NDUFV2: variants seen among roughly 807,000 people sequenced by gnomAD.
NDUFV2 encodes the protein NADH dehydrogenase [ubiquinone] flavoprotein 2, mitochondrial.
Under a neutral mutation model 31.6 loss-of-function variants are expected in NDUFV2, and 18 were observed. That is an observed-to-expected ratio of 0.57 (90% CI 0.39 to 0.84). The LOEUF is 0.84. Among genes scored for constraint, NDUFV2 ranks in the 40% least tolerant of loss-of-function variants. The pLI, the probability that NDUFV2 is intolerant of heterozygous loss-of-function variation, is 0.00. For synonymous variants in NDUFV2, 83 were observed against 99.8 expected (o/e 0.83, Z 1.01); for missense variants, 314 against 303.6 (o/e 1.03, Z -0.26).
chr18:9,105,171 A>C (rs1460572786), intron 1 of NDUFV2, among the ~76,000 whole-genome samples: 1 of 152,254 alleles, frequency 6.6e-6, no homozygotes, highest in Non-Finnish European at 1.5e-5. Flanking sequence ...AGCAAGTATC[A>C]AGAAAAGTAC....
intron 1 of NDUFV2, among the ~76,000 whole-genome samples, chr18:9,105,439 C>T (rs1403572674): frequency 6.6e-6 from 1 of 152,122 alleles, no homozygotes; most frequent in African/African-American, 2.4e-5. Flanking sequence ...TAGTAATTGA[C>T]TAAAAGTTAT....
At chr18:9,111,440 T>C (rs6506641) in intron 1 of NDUFV2, among the ~76,000 whole-genome samples, 16,817 of 151,492 alleles carry the variant, frequency 0.11, 1,117 homozygotes, top group African/African-American at 0.16. Context: ...CTTTTTTTTT[T>C]CCCCCCGAGA....
At position 9,102,701 on chromosome 18, in the gene NDUFV2, T is replaced by A; in HGVS notation, c.-43T>A. Reference sequence around the variant, plus strand: ...TGTGCGCCCTGGGCGCGCTCGGGATTCTCGCCTGGCGCGGCTGGGGAAGGT... The same window carrying A: ...TGTGCGCCCTGGGCGCGCTCGGGATACTCGCCTGGCGCGGCTGGGGAAGGT... On this transcript the variant is annotated 5_prime_UTR_variant, in exon 1 of 8. Coordinates refer to ENST00000318388, the MANE Select transcript of NDUFV2 (RefSeq NM_021074.5). The A allele has an allele frequency of 6.4e-7, 1 of 1,562,688 alleles. No individual in the cohort carries two copies. The highest frequency in any genetic ancestry group is 8.6e-7 in the Non-Finnish European group (1 of 1,156,520).
chr18:9,127,761 T>C (rs1453395167), intron 7 of NDUFV2, among the ~76,000 whole-genome samples: 3 of 152,202 alleles, frequency 2.0e-5, no homozygotes, highest in Non-Finnish European at 4.4e-5. Flanking sequence ...CATGAGCCAC[T>C]GTGCCCGGCC....
In NDUFV2 at chr18:9,108,689, A is replaced by ATTTT. The variant is rs11291545; in HGVS notation, c.54+5908_54+5911dup. On this transcript the variant is annotated intron_variant, in intron 1 of 7. Coordinates refer to ENST00000318388, the MANE Select transcript of NDUFV2 (RefSeq NM_021074.5). ...CTGAAAAACTTTTGTTTTTCATGGA[A>ATTTT]TTTTTTTTTTTTTTTTTTTGAGACA... is the stretch of plus-strand genomic sequence containing the variant. 4.4e-3 allele frequency among the ~76,000 whole-genome samples: 545 copies of ATTTT among 123,006 alleles called. 4 individuals carry two copies. The highest frequency in any genetic ancestry group is 7.6e-3 in the Non-Finnish European group (440 of 58,212). The allele number at this position is 123,006 out of a possible 152,430, so 80.7% of individuals were successfully genotyped here.
rs1037209354 is a variant in NDUFV2, at chr18:9,134,083, A to G, written c.657-103A>G. 6 of 802,634 alleles carry G rather than the reference A, an allele frequency of 7.5e-6. No individual in the cohort carries two copies. In the African/African-American group the frequency reaches 1.0e-4, roughly 14 times the overall value. The allele number at this position is 802,634 out of a possible 1,614,324, so 49.7% of individuals were successfully genotyped here. On this transcript the variant is annotated intron_variant, in intron 7 of 7. Transcript: ENST00000318388. Reference sequence around the variant, plus strand: ...AATAATCTATGCTAGTTCTTAGGGTAAAAATAGTTACTTAACTGGGCTCTT... The same window carrying G: ...AATAATCTATGCTAGTTCTTAGGGTGAAAATAGTTACTTAACTGGGCTCTT...
At chr18:9,127,734 A>G (rs548173422) in intron 7 of NDUFV2, among the ~76,000 whole-genome samples, 72 of 152,148 alleles carry the variant, frequency 4.7e-4, no homozygotes, top group Non-Finnish European at 9.4e-4. Flanking sequence ...AGACTCCCAA[A>G]GTGCTGGGAT....
intron 1 of NDUFV2, among the ~76,000 whole-genome samples, chr18:9,111,648 C>T (rs141232585): frequency 0.026 from 4,001 of 151,932 alleles, 174 homozygotes; most frequent in Admixed American, 0.11. Context: ...AGGCTGGTCT[C>T]GAACTCATGA....
intron 7 of NDUFV2, among the ~76,000 whole-genome samples, chr18:9,127,448 A>T (rs2078000606): frequency 6.6e-6 from 1 of 152,030 alleles, no homozygotes; most frequent in African/African-American, 2.4e-5. Context: ...TAAACTAATC[A>T]TGGTTTTTTG....
chr18:9,119,344 AATAACCCTG>A lies in NDUFV2; in HGVS notation c.143_151del (p.Asn48_Asp50del), dbSNP rs763882642. On this transcript the variant is annotated inframe_deletion, in exon 3 of 8. Transcript: ENST00000318388. ...TGTGTAGCACAGAGATACTCCTGAGAATAACCCTGATACTCCATTTGATTTCACACCAGA... is the reference window on the plus strand; with the variant it reads ...TGTGTAGCACAGAGATACTCCTGAGAATACTCCATTTGATTTCACACCAGA... 2.2e-5 allele frequency: 35 copies of A among 1,612,990 alleles called. No individual in the cohort carries two copies. The highest frequency in any genetic ancestry group is 2.9e-5 in the Non-Finnish European group (34 of 1,179,152).
chr18:9,134,335 A>G lies in NDUFV2; in HGVS notation c.*56A>G, dbSNP rs757514538. On this transcript the variant is annotated 3_prime_UTR_variant, in exon 8 of 8. Transcript: ENST00000318388. ...GAAATAAAATATGGACTTCCAATCT[A>G]CGTAAACTTATTTGTTTATTCTGCT... The G allele has an allele frequency of 8.4e-6, 11 of 1,312,194 alleles. No homozygotes were observed. The Admixed American group carries it at 8.5e-5, about 10-fold the overall frequency. The allele number at this position is 1,312,194 out of a possible 1,614,324, so 81.3% of individuals were successfully genotyped here. A position where few individuals can be genotyped will look rare whatever the true frequency, so the allele number is the denominator to read the frequency against.
chr18:9,104,328 C>A, intron 1 of NDUFV2: 1 of 1,580,734 alleles, frequency 6.3e-7, no homozygotes, highest in Non-Finnish European at 8.6e-7. Flanking sequence ...CGTCAGGAGT[C>A]AGTGAAAGGT....
chr18:9,131,021 A>C (rs997380650), intron 7 of NDUFV2, among the ~76,000 whole-genome samples: 1 of 152,208 alleles, frequency 6.6e-6, no homozygotes, highest in South Asian at 2.1e-4. Context: ...GACTCCTCCA[A>C]AACTTTACTC....
At chr18:9,122,780 T>C (rs1162374607) in intron 5 of NDUFV2, 99 bp downstream of exon 5, 20 of 1,186,808 alleles carry the variant, frequency 1.7e-5, no homozygotes, top group African/African-American at 1.4e-4. Flanking sequence ...TGCCATCTTA[T>C]TGGATCTGTA....
intron 1 of NDUFV2, among the ~76,000 whole-genome samples, chr18:9,117,215 TTAG>T (rs1210881358): frequency 7.2e-5 from 11 of 152,030 alleles, no homozygotes; most frequent in Non-Finnish European, 1.5e-4. Flanking sequence ...TTTTGTGTTC[TTAG>T]TAGAGATGGG....
chr18:9,121,226 C>T (rs924133356), intron 4 of NDUFV2: 1 of 152,094 alleles, frequency 6.6e-6, no homozygotes, highest in African/African-American at 2.4e-5. Flanking sequence ...CTGCCCCTCC[C>T]CCCAACCCAT....
chr18:9,107,163 A>G (rs906109072), intron 1 of NDUFV2, among the ~76,000 whole-genome samples: 1 of 152,182 alleles, frequency 6.6e-6, no homozygotes, highest in African/African-American at 2.4e-5. Context: ...GAATGAACAA[A>G]CTTTAGTTTA....
At chr18:9,117,728 C>G (rs1050782688) in intron 1 of NDUFV2, 110 bp from the exon 2 acceptor site, 21 of 697,346 alleles carry the variant, frequency 3.0e-5, no homozygotes, top group Admixed American at 1.8e-4. Flanking sequence ...TTCTTAAGAT[C>G]TTTTATAAGT....
intron 1 of NDUFV2, chr18:9,104,044 A>G: frequency 9.7e-7 from 1 of 1,034,348 alleles, no homozygotes; most frequent in South Asian, 1.8e-5. Context: ...GTAAAAGTAC[A>G]GTGTTAGAGA....
Sources: allele counts gnomAD v4.1 joint callset (sites outside exome capture counted in the v4.1 genomes callset), GRCh38; gene constraint gnomAD v4.1.1; transcripts MANE v1.5; gene names NCBI Gene and HGNC (gene_info 2026-07-23, HGNC 2026-07-21).